Variants in DHRSX observed in about 807,000 individuals in gnomAD.
The protein encoded by DHRSX is dehydrogenase/reductase X-linked, also known as polyprenol dehydrogenase.
A neutral mutation model predicts 34.0 loss-of-function variants in DHRSX; 31 were observed. That is an observed-to-expected ratio of 0.91 (90% confidence interval 0.69 to 1.23). DHRSX has a LOEUF of 1.23. Ranked by LOEUF, DHRSX falls within the 50% of genes most tolerant of loss-of-function variation. The probability of loss-of-function intolerance (pLI) is 0.00; values close to 1 mark genes in which losing one functional copy is unlikely to be tolerated. For missense variants in DHRSX, 414 were observed against 428.1 expected (o/e 0.97, Z 0.29); for synonymous variants, 201 against 183.8 (o/e 1.09, Z -0.76).
intron 6 of DHRSX, among the ~76,000 whole-genome samples, chrX:2,226,071 CG>C (rs1256905862): frequency 2.6e-5 from 4 of 152,116 alleles, no homozygotes; most frequent in African/African-American, 4.8e-5. Context: ...GCCTCCAGGA[CG>C]GTGGGAAAAT....
rs2044520359 is a variant in DHRSX at position 2,467,859 on chromosome X, A to G, written c.109+32958T>C. On this transcript the variant is annotated intron_variant, in intron 1 of 6. Coordinates refer to ENST00000334651, the MANE Select transcript of DHRSX (RefSeq NM_145177.3). ...CATGGTGGTGCATGCCCGTACTCCCAGCCACTCAGGAGAATCGCTTGAACC... is the reference window on the plus strand; with the variant it reads ...CATGGTGGTGCATGCCCGTACTCCCGGCCACTCAGGAGAATCGCTTGAACC... Among the ~76,000 whole-genome samples, 3 of 151,880 alleles carry G rather than the reference A, an allele frequency of 2.0e-5. No individual in the cohort carries two copies. In the South Asian group the frequency reaches 6.2e-4, roughly 32 times the overall value.
At chrX:2,258,018 G>C (rs148899718) in intron 5 of DHRSX, among the ~76,000 whole-genome samples, 3,072 of 152,258 alleles carry the variant, frequency 0.02, 98 homozygotes, top group African/African-American at 0.068. Flanking sequence ...ATAAGAAGAG[G>C]AGATGAGGAC....
intron 2 of DHRSX, among the ~76,000 whole-genome samples, chrX:2,412,913 T>C (rs945112328): frequency 1.1e-4 from 16 of 152,150 alleles, no homozygotes; most frequent in Non-Finnish European, 1.6e-4. Context: ...ATGATGATTA[T>C]TGGCCAGGCG....
chrX:2,230,050 T>G (rs1273907925), intron 6 of DHRSX, among the ~76,000 whole-genome samples: 2 of 152,180 alleles, frequency 1.3e-5, no homozygotes, highest in Non-Finnish European at 2.9e-5. Flanking sequence ...GATATACGCA[T>G]GTCTGTGTGC....
intron 3 of DHRSX, among the ~76,000 whole-genome samples, chrX:2,301,374 A>C (rs1468325494): frequency 6.6e-6 from 1 of 152,128 alleles, no homozygotes; most frequent in Non-Finnish European, 1.5e-5. Flanking sequence ...AGACCATGCC[A>C]CTGCACTCCA....
intron 1 of DHRSX, among the ~76,000 whole-genome samples, chrX:2,427,487 C>T (rs73632314): frequency 1.6e-3 from 245 of 152,288 alleles, no homozygotes; most frequent in African/African-American, 5.5e-3. Context: ...GGGAGCTCCG[C>T]CACAGTTCAG....
At chrX:2,431,258 G>A (rs144469834) in intron 1 of DHRSX, among the ~76,000 whole-genome samples, 5,291 of 150,852 alleles carry the variant, frequency 0.035, 113 homozygotes, top group Admixed American at 0.05. Context: ...CTGGGAGGTA[G>A]AGCTTGCAGT....
chrX:2,360,377 G>A (rs1462238727), intron 3 of DHRSX, among the ~76,000 whole-genome samples: 1 of 152,188 alleles, frequency 6.6e-6, no homozygotes, highest in Non-Finnish European at 1.5e-5. Context: ...GAGGGCAGGA[G>A]TTCAAGACCA....
intron 6 of DHRSX, among the ~76,000 whole-genome samples, chrX:2,236,651 C>T (rs2016022412): frequency 1.3e-5 from 2 of 152,016 alleles, no homozygotes; most frequent in African/African-American, 4.8e-5. Context: ...AGGCTGGTCT[C>T]GAACTCCTGG....
At chrX:2,258,861 G>A (rs749995824) in intron 5 of DHRSX, among the ~76,000 whole-genome samples, 2 of 152,234 alleles carry the variant, frequency 1.3e-5, no homozygotes, top group African/African-American at 4.8e-5. Context: ...ATGGAGAAAT[G>A]AAACATGGCT....
chrX:2,475,879 G>A (rs893969967), intron 1 of DHRSX, among the ~76,000 whole-genome samples: 15 of 152,172 alleles, frequency 9.9e-5, no homozygotes, highest in African/African-American at 3.4e-4. Context: ...GGAGAGCCAC[G>A]GAAAGAATGG....
chrX:2,330,627 G>A (rs1434908202), intron 3 of DHRSX, among the ~76,000 whole-genome samples: 28 of 149,354 alleles, frequency 1.9e-4, no homozygotes, highest in Admixed American at 1.8e-3. Flanking sequence ...GAGGAGGAGA[G>A]AAAGGGAAGG....
chrX:2,236,340 C>T (rs1441925754), intron 6 of DHRSX, among the ~76,000 whole-genome samples: 4 of 152,048 alleles, frequency 2.6e-5, no homozygotes, highest in African/African-American at 7.2e-5. Flanking sequence ...GGGGGAAGGG[C>T]GTGCGTGGAG....
intron 3 of DHRSX, among the ~76,000 whole-genome samples, chrX:2,316,554 AAAC>A (rs1181320103): frequency 1.3e-4 from 20 of 152,220 alleles, no homozygotes; most frequent in South Asian, 2.1e-4. Context: ...TCTGCCTCAA[AAAC>A]AACAACAATA....
chrX:2,326,491 C>T (rs965103356), intron 3 of DHRSX, among the ~76,000 whole-genome samples: 3 of 152,082 alleles, frequency 2.0e-5, no homozygotes, highest in African/African-American at 7.2e-5. Flanking sequence ...CCACTGCACT[C>T]CAGCCTGAGT....
At chrX:2,388,804 C>T (rs1213969314) in intron 3 of DHRSX, among the ~76,000 whole-genome samples, 1 of 151,648 alleles carries the variant, frequency 6.6e-6, no homozygotes, top group Non-Finnish European at 1.5e-5. Context: ...GCCTCCAGGA[C>T]TGTGGGAGAA....
intron 3 of DHRSX, among the ~76,000 whole-genome samples, chrX:2,330,161 GGAGGAGGTGAAA>G (rs1299765873): frequency 1.9e-4 from 25 of 133,306 alleles, no homozygotes; most frequent in African/African-American, 6.8e-4. Flanking sequence ...AAAGGAAGGA[GGAGGAGGTGAAA>G]GAGGAGGAGG....
chrX:2,338,128 T>A (rs765353667), intron 3 of DHRSX: 1 of 146,640 alleles, frequency 6.8e-6, no homozygotes, highest in East Asian at 2.0e-4. Flanking sequence ...AGGTCAGGAG[T>A]TCAAGACCAG....
intron 5 of DHRSX, among the ~76,000 whole-genome samples, chrX:2,266,274 C>T (rs1406171885): frequency 4.3e-5 from 6 of 138,782 alleles, no homozygotes; most frequent in Non-Finnish European, 6.0e-5. Context: ...CTCAGAGCAC[C>T]GGTGTACAGC....
Sources: allele counts gnomAD v4.1 joint callset (sites outside exome capture counted in the v4.1 genomes callset), GRCh38; gene constraint gnomAD v4.1.1; transcripts MANE v1.5; gene names NCBI Gene and HGNC (gene_info 2026-07-23, HGNC 2026-07-21).